PRR33: variants seen among roughly 807,000 people sequenced by gnomAD.
PRR33 encodes the protein proline rich 33.
Under a neutral mutation model 0.5 loss-of-function variants are expected in PRR33, and 1 was observed. The ratio of observed to expected loss-of-function variants is 2.18; its 90% confidence interval spans 0.77 to 10.34. The LOEUF (loss-of-function observed/expected upper bound fraction) is 10.34, where lower values mean the gene tolerates loss of function less well. Ranked by LOEUF, PRR33 falls within the 30% of genes most tolerant of loss-of-function variation. The pLI is 0.13. For synonymous variants in PRR33, 226 were observed against 110.0 expected (o/e 2.06, Z -6.60); for missense variants, 552 against 251.8 (o/e 2.19, Z -8.07).
the PRR33 span, among the ~76,000 whole-genome samples, chr11:1,913,305 T>C: frequency 1.3e-5 from 1 of 79,282 alleles, no homozygotes; most frequent in African/African-American, 4.2e-5. Context: ...TTTTTTGTTT[T>C]TTTTTTTTTG....
the PRR33 span, among the ~76,000 whole-genome samples, chr11:1,910,872 C>G: frequency 2.0e-5 from 3 of 152,198 alleles, no homozygotes; most frequent in African/African-American, 4.8e-5. Context: ...TCTTCTCTGC[C>G]AGCTGCCTGT....
chr11:1,895,457 T>C (rs1191272005), upstream of PRR33, among the ~76,000 whole-genome samples: 3 of 152,352 alleles, frequency 2.0e-5, no homozygotes, highest in East Asian at 3.9e-4. Flanking sequence ...GAATCAATCC[T>C]TGATGAAATA....
chr11:1,889,697 C>A, exon 1 of PRR33: 3 of 639,638 alleles, frequency 4.7e-6, no homozygotes, highest in East Asian at 5.5e-5. Flanking sequence ...CCATCGGGGG[C>A]TCCTCCAGGT....
the PRR33 span, among the ~76,000 whole-genome samples, chr11:1,911,391 G>A: frequency 1.1e-4 from 16 of 151,990 alleles, no homozygotes; most frequent in African/African-American, 3.6e-4. Context: ...GCAGTGAGCC[G>A]AGATTGTGCC....
chr11:1,890,516 G>C (rs1256964609), exon 1 of PRR33: 2 of 716,448 alleles, frequency 2.8e-6, no homozygotes, highest in Admixed American at 4.0e-5. Flanking sequence ...GGGGCGGTGG[G>C]GGTCCAGGGG....
upstream of PRR33, among the ~76,000 whole-genome samples, chr11:1,896,268 C>T (rs148535977): frequency 9.5e-4 from 145 of 152,298 alleles, no homozygotes; most frequent in African/African-American, 3.3e-3. Flanking sequence ...CAGTATTGAA[C>T]TTACTAATCC....
chr11:1,901,579 A>T, the PRR33 span, among the ~76,000 whole-genome samples: 1 of 152,152 alleles, frequency 6.6e-6, no homozygotes, highest in Non-Finnish European at 1.5e-5. Flanking sequence ...ATCCTAAGCA[A>T]TCGTTAGCTA....
the PRR33 span, among the ~76,000 whole-genome samples, chr11:1,905,840 G>A: frequency 1.1e-3 from 161 of 151,666 alleles, no homozygotes; most frequent in African/African-American, 3.7e-3. Flanking sequence ...TTTGTGGGGG[G>A]GACAGGGTCT....
chr11:1,899,503 C>A, the PRR33 span, among the ~76,000 whole-genome samples: 1 of 152,084 alleles, frequency 6.6e-6, no homozygotes, highest in Non-Finnish European at 1.5e-5. Flanking sequence ...GGCCTAGGAG[C>A]CTTTAGCCAT....
the PRR33 span, among the ~76,000 whole-genome samples, chr11:1,909,537 G>A: frequency 1.3e-5 from 2 of 152,230 alleles, no homozygotes; most frequent in Admixed American, 6.5e-5. Flanking sequence ...CTTGAACCCA[G>A]GAGTCGGAGG....
the PRR33 span, among the ~76,000 whole-genome samples, chr11:1,903,668 C>T: frequency 1.3e-5 from 2 of 152,102 alleles, no homozygotes; most frequent in Non-Finnish European, 2.9e-5. Context: ...CTGCCGCGTC[C>T]GGGACCTAAC....
At chr11:1,917,606 G>A in the PRR33 span, among the ~76,000 whole-genome samples, 2 of 152,214 alleles carry the variant, frequency 1.3e-5, no homozygotes, top group South Asian at 2.1e-4. Flanking sequence ...GGACCATCCC[G>A]GTCCGGCCAG....
the PRR33 span, among the ~76,000 whole-genome samples, chr11:1,899,686 A>G: frequency 6.6e-6 from 1 of 152,290 alleles, no homozygotes; most frequent in East Asian, 1.9e-4. Context: ...ATATTATTGT[A>G]TCTGTAACAA....
At chr11:1,907,991 G>A in the PRR33 span, 1 of 152,184 alleles carries the variant, frequency 6.6e-6, no homozygotes, top group African/African-American at 2.4e-5. Flanking sequence ...GTGAAGTCAG[G>A]AGTCACGGTC....
chr11:1,911,576 C>A, the PRR33 span, among the ~76,000 whole-genome samples: 422 of 152,128 alleles, frequency 2.8e-3, 1 homozygote, highest in Non-Finnish European at 5.1e-3. Context: ...CACCACCACG[C>A]CTGGCTAATT....
upstream of PRR33, among the ~76,000 whole-genome samples, chr11:1,894,408 A>AT (rs202171018): frequency 5.6e-3 from 856 of 151,768 alleles, 10 homozygotes; most frequent in African/African-American, 0.02. Flanking sequence ...TAAGTTTTTG[A>AT]TTTTTTTTGT....
At chr11:1,893,270 G>A (rs1361539729), upstream of PRR33, among the ~76,000 whole-genome samples, 1 of 149,214 alleles carries the variant, frequency 6.7e-6, no homozygotes, top group Non-Finnish European at 1.5e-5. Context: ...GGTTGGGTGG[G>A]TGAGTGGAGG....
At chr11:1,892,333 GC>G (rs1849034390), upstream of PRR33, 1 of 152,300 alleles carries the variant, frequency 6.6e-6, no homozygotes, top group South Asian at 2.1e-4. Flanking sequence ...CCAGTGGCCA[GC>G]CCATTCCCAC....
chr11:1,889,358 T>G, exon 1 of PRR33: 1 of 712,602 alleles, frequency 1.4e-6, no homozygotes, highest in Non-Finnish European at 2.6e-6. Flanking sequence ...CCTCCGCCAC[T>G]GACATGCGGT....
Sources: allele counts gnomAD v4.1 joint callset (sites outside exome capture counted in the v4.1 genomes callset), GRCh38; gene constraint gnomAD v4.1.1; transcripts MANE v1.5; gene names NCBI Gene and HGNC (gene_info 2026-07-23, HGNC 2026-07-21).